The following RNF121 variants were observed in gnomAD, a reference collection of about 807,000 sequenced individuals.
The protein encoded by RNF121 is ring finger protein 121.
A neutral mutation model predicts 46.5 loss-of-function variants in RNF121; 21 were observed. That is an observed-to-expected ratio of 0.45 (90% confidence interval 0.32 to 0.65). RNF121 has a LOEUF of 0.65. RNF121 is among the 30% of genes least tolerant of loss of function. The pLI is 0.04. For synonymous variants in RNF121, 139 were observed against 144.7 expected, an observed-to-expected ratio of 0.96 and a Z score of 0.28; for missense variants, 346 against 416.0, an observed-to-expected ratio of 0.83 and a Z score of 1.46.
intron 1 of RNF121, among the ~76,000 whole-genome samples, chr11:71,934,944 T>A: frequency 7.4e-6 from 1 of 134,568 alleles, no homozygotes; most frequent in East Asian, 2.0e-4. Flanking sequence ...ATGCATTCTT[T>A]TTTTTTTTTT....
chr11:71,960,613 A>G, intron 2 of RNF121, 137 bp from the exon 3 acceptor site: 1 of 975,896 alleles, frequency 1.0e-6, no homozygotes. Flanking sequence ...CCTAGCCCCT[A>G]ATTTGTGTGG....
rs183198000 is a variant in RNF121, at chr11:71,944,070, G to A, written c.64-13157G>A. ...AGGTTGGCTGGGCACGGTAACTCAT[G>A]TCTGTAATCCCAGCACTTTGGGAGG... is the stretch of plus-strand genomic sequence containing the variant. On this transcript the variant is annotated intron_variant, in intron 1 of 8. Transcript: ENST00000361756. Among the ~76,000 whole-genome samples, 10 of 152,298 alleles carry A rather than the reference G, an allele frequency of 6.6e-5. No homozygotes were observed. The East Asian group carries it at 1.7e-3, about 26-fold the overall frequency.
At chr11:71,976,436 A>C (rs1249139298) in intron 3 of RNF121, among the ~76,000 whole-genome samples, 1 of 134,062 alleles carries the variant, frequency 7.5e-6, no homozygotes, top group African/African-American at 2.8e-5. Flanking sequence ...GCTCACGGCA[A>C]CCTCCGCCTC....
At chr11:71,947,483 C>A (rs1294712721) in intron 1 of RNF121, among the ~76,000 whole-genome samples, 47 of 145,452 alleles carry the variant, frequency 3.2e-4, no homozygotes, top group Admixed American at 2.7e-4. Context: ...AGACCTGTCT[C>A]AAAAAAAAAA....
chr11:71,956,375 T>C (rs1052160049), intron 1 of RNF121, among the ~76,000 whole-genome samples: 2 of 151,984 alleles, frequency 1.3e-5, no homozygotes, highest in Admixed American at 6.5e-5. Context: ...ACTCAAAGAA[T>C]ATAGTATTAT....
chr11:71,977,908 A>G (rs1417576027), intron 3 of RNF121, among the ~76,000 whole-genome samples: 3 of 152,224 alleles, frequency 2.0e-5, no homozygotes, highest in African/African-American at 7.2e-5. Context: ...TTAGTGAACC[A>G]AATGTGTCTC....
intron 1 of RNF121, among the ~76,000 whole-genome samples, chr11:71,941,024 C>T (rs1484893361): frequency 1.3e-5 from 2 of 152,112 alleles, no homozygotes; most frequent in African/African-American, 2.4e-5. Flanking sequence ...TTAGGTTAAA[C>T]GTAAGGGGAT....
intron 1 of RNF121, among the ~76,000 whole-genome samples, chr11:71,931,221 G>A (rs1388413757): frequency 3.9e-5 from 6 of 152,192 alleles, no homozygotes; most frequent in Admixed American, 1.3e-4. Flanking sequence ...GCGTCTAGTA[G>A]TATAATAGAC....
intron 4 of RNF121, among the ~76,000 whole-genome samples, chr11:71,984,334 TGGCACGATCTCGGC>T (rs1240018930): frequency 4.0e-5 from 6 of 151,848 alleles, no homozygotes; most frequent in Middle Eastern, 3.5e-3. Flanking sequence ...TGGAGTGCAG[TGGCACGATCTCGGC>T]TCACTCGTGC....
chr11:71,985,014 T>C lies in RNF121; in HGVS notation c.399-1990T>C, dbSNP rs144745774. On this transcript the variant is annotated intron_variant, in intron 4 of 8. Coordinates refer to ENST00000361756, the MANE Select transcript of RNF121 (RefSeq NM_018320.5). Reference sequence around the variant, plus strand: ...ACAACTCACTGCAGCCTCATCCTCCTAGGCTCAACCAATTTTCCCATCTCA... The same window carrying C: ...ACAACTCACTGCAGCCTCATCCTCCCAGGCTCAACCAATTTTCCCATCTCA... Among the ~76,000 whole-genome samples, 409 of 152,262 alleles carry C rather than the reference T, an allele frequency of 2.7e-3. 2 individuals are homozygous for C. Among genetic ancestry groups the C allele is most frequent in the African/African-American group, 9.3e-3 (386 of 41,546 alleles).
At chr11:71,959,667 A>G (rs1023869004) in intron 2 of RNF121, among the ~76,000 whole-genome samples, 6 of 128,852 alleles carry the variant, frequency 4.7e-5, no homozygotes, top group African/African-American at 1.8e-4. Flanking sequence ...ATGGAATCTC[A>G]TTCTGTCGCC....
Position 71,986,915 on chromosome 11 carries a change from T to C in RNF121, c.399-89T>C, listed in dbSNP as rs547587674. On this transcript the variant is annotated intron_variant, in intron 4 of 8. Transcript: ENST00000361756. ...CTGAGCAAAGACCCTGGTGTCCCCA[T>C]TGATGTGAGAATAAAGGATTCTGGT... is the stretch of plus-strand genomic sequence containing the variant. The C allele has an allele frequency of 9.0e-5, 71 of 790,742 alleles. 2 individuals carry two copies. Among genetic ancestry groups the C allele is most frequent in the East Asian group, 8.1e-4 (33 of 40,912 alleles). 49.0% of individuals were successfully genotyped at this position (790,742 alleles called of 1,614,324 possible). A position where few individuals can be genotyped will look rare whatever the true frequency, so the allele number is the denominator to read the frequency against.
At chr11:71,996,058 C>T (rs1013955176) in intron 8 of RNF121, 137 bp from the exon 9 acceptor site, 3 of 1,080,296 alleles carry the variant, frequency 2.8e-6, no homozygotes, top group Non-Finnish European at 4.0e-6. Flanking sequence ...AGGCTGGGCC[C>T]TTCCAGAAAG....
chr11:71,960,649 T>C, intron 2 of RNF121, 101 bp from the exon 3 acceptor site: 1 of 1,352,356 alleles, frequency 7.4e-7, no homozygotes, highest in South Asian at 1.4e-5. Context: ...AAGCAGGGAA[T>C]GTGTTCTGAG....
intron 1 of RNF121, among the ~76,000 whole-genome samples, chr11:71,953,302 G>A (rs1226643177): frequency 6.6e-6 from 1 of 152,138 alleles, no homozygotes; most frequent in African/African-American, 2.4e-5. Context: ...CAAAGTGCTG[G>A]GATTACAGGC....
chr11:71,943,363 G>A (rs1445900390), intron 1 of RNF121, among the ~76,000 whole-genome samples: 1 of 152,238 alleles, frequency 6.6e-6, no homozygotes, highest in East Asian at 1.9e-4. Context: ...TTATAGCTCA[G>A]GGAGAGGTTT....
chr11:71,936,561 T>G (rs992084742), intron 1 of RNF121, among the ~76,000 whole-genome samples: 1 of 151,790 alleles, frequency 6.6e-6, no homozygotes, highest in African/African-American at 2.4e-5. Context: ...GGCTACTTTT[T>G]ATTTTTGTAT....
At chr11:71,983,091 A>G (rs1043642575) in intron 4 of RNF121, 176 bp downstream of exon 4, 29 of 455,786 alleles carry the variant, frequency 6.4e-5, no homozygotes, top group African/African-American at 5.7e-4. Context: ...TTTATCGATT[A>G]AAAACCTCAA....
intron 1 of RNF121, among the ~76,000 whole-genome samples, chr11:71,932,739 A>G (rs1213993077): frequency 6.6e-6 from 1 of 152,224 alleles, no homozygotes; most frequent in Non-Finnish European, 1.5e-5. Context: ...CCTTCATTTT[A>G]AAGACCCAAA....
Sources: allele counts gnomAD v4.1 joint callset (sites outside exome capture counted in the v4.1 genomes callset), GRCh38; gene constraint gnomAD v4.1.1; transcripts MANE v1.5; gene names NCBI Gene and HGNC (gene_info 2026-07-23, HGNC 2026-07-21).